Variants in STPG2 observed in about 807,000 individuals in gnomAD.
STPG2 encodes sperm-tail PG-rich repeat-containing protein 2.
In STPG2, 56 loss-of-function variants were observed where a neutral mutation model predicts 54.2. The observed-to-expected ratio is 1.03, with a 90% CI of 0.83 to 1.29. STPG2 has a LOEUF of 1.29. Among genes scored for constraint, STPG2 ranks in the 50% most tolerant of loss-of-function variants. STPG2 has a pLI of 0.00. For synonymous variants in STPG2, 200 were observed against 181.8 expected (o/e 1.10, Z -0.81); for missense variants, 596 against 544.9 (o/e 1.09, Z -0.93).
At position 98,016,386 on chromosome 4, in the gene STPG2, G is replaced by A. The variant is rs146620543; in HGVS notation, c.613-35068C>T. Among the ~76,000 whole-genome samples the A allele has an allele frequency of 5.5e-4, 84 of 152,120 alleles. No individual in the cohort carries two copies. The East Asian group carries it at 0.013, about 24-fold the overall frequency. On this transcript the variant is annotated intron_variant, in intron 5 of 10. Transcript: ENST00000295268. ...CCCATTCTTTTTCTATGCTCCTCTG[G>A]AACTTCATTATTCATATATTGTTCT...
chr4:97,529,975 TTC>T (rs1240376963), intron 4 of STPG2, among the ~76,000 whole-genome samples: 1 of 152,224 alleles, frequency 6.6e-6, no homozygotes, highest in Non-Finnish European at 1.5e-5. Context: ...TTATTTATTT[TTC>T]TTTTTTCTTC....
rs540530344 is a variant in STPG2 at position 97,825,466 on chromosome 4, G to T, written c.1204+15307C>A. Reference sequence around the variant, plus strand: ...TGTCCCCACCCGACCCCTACTGAGAGATAAGACTCCTGTGGGAGATGCATT... The same window carrying T: ...TGTCCCCACCCGACCCCTACTGAGATATAAGACTCCTGTGGGAGATGCATT... On this transcript the variant is annotated intron_variant, in intron 9 of 10. Coordinates refer to ENST00000295268, the MANE Select transcript of STPG2 (RefSeq NM_174952.3). Among the ~76,000 whole-genome samples, 153 of 152,220 alleles carry T rather than the reference G, an allele frequency of 1.0e-3. 1 individual carries two copies. Among genetic ancestry groups the T allele is most frequent in the African/African-American group, 3.6e-3 (151 of 41,546 alleles).
At chr4:97,909,814 T>C (rs1731609806) in intron 8 of STPG2, among the ~76,000 whole-genome samples, 1 of 152,160 alleles carries the variant, frequency 6.6e-6, no homozygotes, top group Non-Finnish European at 1.5e-5. Flanking sequence ...ATAATATTTT[T>C]AAATTACTAA....
At chr4:98,125,579 C>A (rs1739806014) in intron 3 of STPG2, among the ~76,000 whole-genome samples, 1 of 152,096 alleles carries the variant, frequency 6.6e-6, no homozygotes, top group Non-Finnish European at 1.5e-5. Flanking sequence ...CGACCTGATG[C>A]CAGCTGGAAC....
intron 4 of STPG2, among the ~76,000 whole-genome samples, chr4:97,486,112 A>G (rs1455217960): frequency 3.3e-5 from 5 of 151,444 alleles, no homozygotes; most frequent in Non-Finnish European, 5.9e-5. Context: ...ACATTGGCTT[A>G]GGCAAGGATT....
chr4:98,081,141 G>C (rs999703546), intron 5 of STPG2, among the ~76,000 whole-genome samples: 2 of 152,152 alleles, frequency 1.3e-5, no homozygotes, highest in African/African-American at 4.8e-5. Flanking sequence ...TATTCTGTGA[G>C]GGTCAAGTCT....
intron 10 of STPG2, among the ~76,000 whole-genome samples, chr4:97,664,769 A>C: frequency 6.6e-6 from 1 of 151,536 alleles, no homozygotes; most frequent in East Asian, 2.0e-4. Flanking sequence ...CCAGCCAGAA[A>C]CCTCTGTGGC....
chr4:97,456,186 C>T (rs1336198692), intron 4 of STPG2, among the ~76,000 whole-genome samples: 3 of 152,094 alleles, frequency 2.0e-5, no homozygotes, highest in Non-Finnish European at 4.4e-5. Flanking sequence ...CTACCCGAAA[C>T]GGGGTAATTT....
rs1733061582 is a variant in STPG2 at position 97,588,715 on chromosome 4, CA to C, written c.1321-29599del. Among the ~76,000 whole-genome samples, 3 of 151,836 alleles carry C rather than the reference CA, an allele frequency of 2.0e-5. 1 individual carries two copies. Among genetic ancestry groups the C allele is most frequent in the Admixed American group, 2.0e-4 (3 of 15,210 alleles). On this transcript the variant is annotated intron_variant, in intron 10 of 10. Transcript: ENST00000295268. Reference sequence around the variant, plus strand: ...GATATCCCTTTTGACTCAGAAAACCCACAACTTGGATTTGTTTTACCGATAT... The same window carrying C: ...GATATCCCTTTTGACTCAGAAAACCCCAACTTGGATTTGTTTTACCGATAT...
At chr4:98,050,267 A>C (rs934540520) in intron 5 of STPG2, among the ~76,000 whole-genome samples, 1 of 152,198 alleles carries the variant, frequency 6.6e-6, no homozygotes, top group Non-Finnish European at 1.5e-5. Flanking sequence ...AAATGTTTAC[A>C]GATTAAAATA....
chr4:97,788,594 A>G (rs913334507), intron 9 of STPG2, among the ~76,000 whole-genome samples: 2 of 152,142 alleles, frequency 1.3e-5, no homozygotes, highest in Non-Finnish European at 2.9e-5. Flanking sequence ...TATATCCAGC[A>G]GTGGGACTGC....
At chr4:97,805,421 G>A (rs979134888) in intron 9 of STPG2, among the ~76,000 whole-genome samples, 1 of 152,090 alleles carries the variant, frequency 6.6e-6, no homozygotes, top group Non-Finnish European at 1.5e-5. Context: ...ATGTTGGCCA[G>A]GCTGGTCTCA....
At chr4:97,850,937 T>TA (rs1729141992) in intron 8 of STPG2, among the ~76,000 whole-genome samples, 1 of 152,188 alleles carries the variant, frequency 6.6e-6, no homozygotes. Context: ...ATTACAACTG[T>TA]AAAAAATTAA....
intron 9 of STPG2, among the ~76,000 whole-genome samples, chr4:97,820,336 T>A (rs920662642): frequency 6.6e-6 from 1 of 152,070 alleles, no homozygotes; most frequent in Non-Finnish European, 1.5e-5. Flanking sequence ...CTGAAATTAG[T>A]CTAATTAATA....
intron 9 of STPG2, among the ~76,000 whole-genome samples, chr4:97,760,777 C>A (rs1302010222): frequency 2.0e-5 from 3 of 152,128 alleles, no homozygotes; most frequent in African/African-American, 7.2e-5. Context: ...TAAAACAAGA[C>A]AAATTTGTTA....
chr4:97,874,290 T>A (rs576163401), intron 8 of STPG2, among the ~76,000 whole-genome samples: 1 of 151,812 alleles, frequency 6.6e-6, no homozygotes, highest in South Asian at 2.1e-4. Flanking sequence ...GTCATTGCTG[T>A]GGTTTTCTCT....
chr4:98,134,533 T>C (rs2110168386), intron 1 of STPG2, 74 bp from the exon 2 acceptor site: 5 of 749,698 alleles, frequency 6.7e-6, no homozygotes, highest in Non-Finnish European at 1.0e-5. Context: ...GCTCAAAATA[T>C]ATATAATCAT....
intron 9 of STPG2, among the ~76,000 whole-genome samples, chr4:97,838,027 T>A (rs1393679456): frequency 6.6e-6 from 1 of 151,578 alleles, no homozygotes; most frequent in Non-Finnish European, 1.5e-5. Flanking sequence ...AGTAATGTCA[T>A]GACCCAAGTA....
Position 97,954,720 on chromosome 4 carries a change from C to T in STPG2, c.934-10713G>A, listed in dbSNP as rs183765637. On this transcript the variant is annotated intron_variant, in intron 7 of 10. Transcript: ENST00000295268. ...TTGGGTTAATGTAATTTTATCTTCACCTGTATCTACCTTGCAGAGGAAAGT... is the reference window on the plus strand; with the variant it reads ...TTGGGTTAATGTAATTTTATCTTCATCTGTATCTACCTTGCAGAGGAAAGT... Among the ~76,000 whole-genome samples the T allele has an allele frequency of 2.6e-5, 4 of 152,252 alleles. No homozygotes were observed. In the East Asian group the frequency reaches 7.7e-4, roughly 29 times the overall value.
Sources: gnomAD v4.1 joint callset for allele counts (sites outside exome capture counted in the v4.1 genomes callset) on GRCh38, gnomAD v4.1.1 for gene constraint, MANE v1.5 for transcripts, NCBI Gene and HGNC (gene_info 2026-07-23, HGNC 2026-07-21) for gene names.